The following ZNF883 variants were observed in gnomAD, a reference collection of about 807,000 sequenced individuals.
ZNF883 encodes the protein zinc finger protein 883.
At chr9:112,996,713 C>G (rs1417762350), downstream of ZNF883, among the ~76,000 whole-genome samples, 2 of 135,294 alleles carry the variant, frequency 1.5e-5, no homozygotes, top group South Asian at 4.8e-4. Context: ...ATGGCGTGAA[C>G]CTGGGAGGCG....
At chr9:113,010,253 C>T (rs541454043) in intron 2 of ZNF883, among the ~76,000 whole-genome samples, 7 of 152,302 alleles carry the variant, frequency 4.6e-5, no homozygotes, top group South Asian at 2.1e-4. Flanking sequence ...AGCAGAGCTG[C>T]GTTACAGACA....
intron 1 of ZNF883, among the ~76,000 whole-genome samples, chr9:113,011,626 T>C (rs968454833): frequency 2.0e-5 from 3 of 152,196 alleles, no homozygotes; most frequent in Admixed American, 1.3e-4. Flanking sequence ...TTCAGAAATT[T>C]ACCAGTAAAA....
intron 1 of ZNF883, among the ~76,000 whole-genome samples, chr9:112,988,853 C>CATG (rs36101484): frequency 0.7 from 106,385 of 151,482 alleles, 38,262 homozygotes; most frequent in East Asian, 0.89. Flanking sequence ...GATGGCATCT[C>CATG]GTGGTTTTGA....
chr9:112,999,298 C>T (rs1828398424), upstream of ZNF883, among the ~76,000 whole-genome samples: 2 of 152,176 alleles, frequency 1.3e-5, no homozygotes, highest in African/African-American at 4.8e-5. Context: ...TTTCTCTACT[C>T]ACAACATTTC....
At chr9:113,006,457 T>C (rs1828477405) in intron 2 of ZNF883, among the ~76,000 whole-genome samples, 1 of 152,210 alleles carries the variant, frequency 6.6e-6, no homozygotes, top group Non-Finnish European at 1.5e-5. Flanking sequence ...CCTTTTATTT[T>C]ACTTTTTAAT....
At chr9:113,010,180 G>A (rs969759443) in intron 2 of ZNF883, among the ~76,000 whole-genome samples, 1 of 152,156 alleles carries the variant, frequency 6.6e-6, no homozygotes, top group Non-Finnish European at 1.5e-5. Context: ...TATTCAGTGA[G>A]TGAAAGAAAG....
At chr9:113,001,761 A>G (rs1158721010), upstream of ZNF883, among the ~76,000 whole-genome samples, 5 of 152,152 alleles carry the variant, frequency 3.3e-5, no homozygotes, top group African/African-American at 1.2e-4. Flanking sequence ...GATAATATCA[A>G]TGGATCCTAG....
At chr9:112,992,583 T>C (rs1828313097), downstream of ZNF883, among the ~76,000 whole-genome samples, 1 of 152,188 alleles carries the variant, frequency 6.6e-6, no homozygotes, top group Admixed American at 6.5e-5. Context: ...ATGGAATATC[T>C]TACTGGGGTT....
At position 113,010,373 on chromosome 9, in the gene ZNF883, A is replaced by C. The variant is rs531564880; in HGVS notation, n.165+768T>G. 1.4e-4 allele frequency among the ~76,000 whole-genome samples: 22 copies of C among 152,360 alleles called. No homozygotes were observed. In the South Asian group the frequency reaches 4.3e-3, roughly 30 times the overall value. On this transcript the variant is annotated intron_variant and non_coding_transcript_variant, in intron 2 of 4. Transcript: ENST00000638622. ...TCCTGTTTCCTCAGTCTCACTTCTT[A>C]CAGCCCTCTCGTAAGTGAGCATCTT... is the stretch of plus-strand genomic sequence containing the variant.
At chr9:113,004,527 T>A (rs1421504073) in intron 2 of ZNF883, among the ~76,000 whole-genome samples, 1 of 151,944 alleles carries the variant, frequency 6.6e-6, no homozygotes, top group Non-Finnish European at 1.5e-5. Context: ...TTAGTGCACT[T>A]GTAAGAGGAA....
chr9:113,003,228 T>C (rs938337775), upstream of ZNF883, among the ~76,000 whole-genome samples: 10 of 152,106 alleles, frequency 6.6e-5, no homozygotes, highest in Non-Finnish European at 1.0e-4. Flanking sequence ...TCTTATGAGT[T>C]CTGATGGTTT....
At chr9:112,994,234 C>T (rs1828328048), downstream of ZNF883, among the ~76,000 whole-genome samples, 1 of 151,592 alleles carries the variant, frequency 6.6e-6, no homozygotes, top group Admixed American at 6.6e-5. Context: ...CCCTTGGCTG[C>T]AGGTGGTAGC....
At chr9:112,989,813 T>C (rs1828284002) in intron 1 of ZNF883, among the ~76,000 whole-genome samples, 1 of 152,146 alleles carries the variant, frequency 6.6e-6, no homozygotes, top group African/African-American at 2.4e-5. Context: ...TGGTTTGTAG[T>C]CTCCTTGAAG....
At chr9:113,000,502 T>C (rs779032377), upstream of ZNF883, among the ~76,000 whole-genome samples, 1 of 152,082 alleles carries the variant, frequency 6.6e-6, no homozygotes, top group Admixed American at 6.5e-5. Context: ...GAAAGTATAA[T>C]ATGAAAGATA....
chr9:113,008,914 C>A (rs1828503275), intron 2 of ZNF883, among the ~76,000 whole-genome samples: 1 of 151,892 alleles, frequency 6.6e-6, no homozygotes, highest in Non-Finnish European at 1.5e-5. Flanking sequence ...TTTTCTAGTT[C>A]TCTTAGTGAA....
At chr9:112,988,342 CTGTGTCCATG>C (rs58799599) in intron 1 of ZNF883, among the ~76,000 whole-genome samples, 19,973 of 151,890 alleles carry the variant, frequency 0.13, 1,676 homozygotes, top group Non-Finnish European at 0.17. Context: ...GTTCCTCTCC[CTGTGTCCATG>C]TGTTCTCATT....
intron 2 of ZNF883, among the ~76,000 whole-genome samples, chr9:113,003,768 A>G (rs935459270): frequency 2.6e-5 from 4 of 152,210 alleles, no homozygotes; most frequent in African/African-American, 9.7e-5. Flanking sequence ...CTTAAAAGTA[A>G]TTTAACAAAA....
chr9:113,010,621 TCTA>T (rs1283088747), intron 2 of ZNF883, among the ~76,000 whole-genome samples: 1 of 152,230 alleles, frequency 6.6e-6, no homozygotes, highest in African/African-American at 2.4e-5. Context: ...ATTTAGCCAT[TCTA>T]CTACGTATAC....
chr9:113,000,867 G>C (rs1323212182), upstream of ZNF883, among the ~76,000 whole-genome samples: 1 of 152,066 alleles, frequency 6.6e-6, no homozygotes, highest in East Asian at 1.9e-4. Context: ...AGTTAACATG[G>C]AAGGACTATT....
Sources: allele counts gnomAD v4.1 joint callset (sites outside exome capture counted in the v4.1 genomes callset), GRCh38; gene constraint gnomAD v4.1.1; transcripts MANE v1.5; gene names NCBI Gene and HGNC (gene_info 2026-07-23, HGNC 2026-07-21).